The following SPATS2 variants were observed in gnomAD, a reference collection of about 807,000 sequenced individuals.
The protein encoded by SPATS2 is spermatogenesis associated serine rich 2.
Under a neutral mutation model 63.7 loss-of-function variants are expected in SPATS2, and 38 were observed. The ratio of observed to expected loss-of-function variants is 0.60; its 90% CI spans 0.46 to 0.78. The LOEUF (loss-of-function observed/expected upper bound fraction) is 0.78, where lower values mean the gene tolerates loss of function less well. SPATS2 is among the 30% of genes least tolerant of loss of function. The probability of loss-of-function intolerance (pLI) is 0.00; values close to 1 mark genes in which losing one functional copy is unlikely to be tolerated. For missense variants in SPATS2, 588 were observed against 666.2 expected (o/e 0.88, Z 1.29); for synonymous variants, 207 against 232.9 (o/e 0.89, Z 1.01).
chr12:49,408,938 T>C (rs935607122), intron 2 of SPATS2, among the ~76,000 whole-genome samples: 6 of 152,168 alleles, frequency 3.9e-5, no homozygotes, highest in Admixed American at 6.5e-5. Context: ...TCCTAAATAA[T>C]GAATAAATGG....
rs1268999518 is a variant in SPATS2 at position 49,419,141 on chromosome 12, C to T, written c.-243-41629C>T. Among the ~76,000 whole-genome samples the T allele has an allele frequency of 1.3e-5, 2 of 152,130 alleles. 1 individual carries two copies. Among genetic ancestry groups the T allele is most frequent in the East Asian group, 3.8e-4 (2 of 5,196 alleles). On this transcript the variant is annotated intron_variant, in intron 2 of 13. Coordinates refer to ENST00000552918, the MANE Select transcript of SPATS2 (RefSeq NM_023071.4). The stretch of plus-strand genomic sequence containing the variant: ...GAGTTAACTTTTTATGCTTTTAAGT[C>T]TCCTAGTATTACTTAACTAATTTCA...
intron 3 of SPATS2, among the ~76,000 whole-genome samples, chr12:49,474,390 T>C (rs1946085894): frequency 1.3e-5 from 2 of 152,326 alleles, no homozygotes; most frequent in Non-Finnish European, 2.9e-5. Context: ...TTTGCAGTGC[T>C]GTAGTGTTAT....
intron 3 of SPATS2, among the ~76,000 whole-genome samples, chr12:49,467,395 G>A (rs1045104791): frequency 6.6e-6 from 1 of 152,054 alleles, no homozygotes; most frequent in Admixed American, 6.6e-5. Flanking sequence ...TTTCCTGACT[G>A]ATCTCTGAGT....
chr12:49,425,563 A>C (rs994145996), intron 2 of SPATS2, among the ~76,000 whole-genome samples: 2 of 151,856 alleles, frequency 1.3e-5, no homozygotes, highest in African/African-American at 4.8e-5. Context: ...CAAGCGATCC[A>C]TCTACCTTGG....
At chr12:49,391,835 A>G (rs1197839181) in intron 2 of SPATS2, among the ~76,000 whole-genome samples, 3 of 152,198 alleles carry the variant, frequency 2.0e-5, no homozygotes, top group Admixed American at 6.5e-5. Flanking sequence ...GAATTTTTCT[A>G]TCTTAAGTTT....
At chr12:49,421,717 CA>C in intron 2 of SPATS2, among the ~76,000 whole-genome samples, 1 of 152,214 alleles carries the variant, frequency 6.6e-6, no homozygotes, top group Admixed American at 6.5e-5. Context: ...TAAATAAAGT[CA>C]GTTTTGAAAA....
chr12:49,437,711 C>T (rs111691305), intron 2 of SPATS2, among the ~76,000 whole-genome samples: 3 of 151,438 alleles, frequency 2.0e-5, no homozygotes, highest in Non-Finnish European at 2.9e-5. Context: ...CGCCTGCAAT[C>T]GCAGGCACTG....
At chr12:49,383,258 A>T (rs1489588740) in intron 2 of SPATS2, among the ~76,000 whole-genome samples, 1 of 152,048 alleles carries the variant, frequency 6.6e-6, no homozygotes, top group Non-Finnish European at 1.5e-5. Flanking sequence ...ACCTCAGGTG[A>T]TCCGCCTGCC....
chr12:49,378,957 G>A (rs1015461302), intron 2 of SPATS2, among the ~76,000 whole-genome samples: 3 of 150,544 alleles, frequency 2.0e-5, no homozygotes, highest in Admixed American at 2.0e-4. Flanking sequence ...TCCCTCTGTC[G>A]ACCAGGCTGG....
At chr12:49,378,680 C>G (rs1054760372) in intron 2 of SPATS2, among the ~76,000 whole-genome samples, 2 of 151,998 alleles carry the variant, frequency 1.3e-5, no homozygotes, top group African/African-American at 4.8e-5. Context: ...ACTGCAGCCT[C>G]GACCTGCTGG....
At chr12:49,453,160 CAAAAAAA>C (rs534605136) in intron 2 of SPATS2, among the ~76,000 whole-genome samples, 2 of 91,810 alleles carry the variant, frequency 2.2e-5, no homozygotes, top group Non-Finnish European at 4.8e-5. Flanking sequence ...GACTCCGTCT[CAAAAAAA>C]AAAAAAAAAA....
intron 2 of SPATS2, among the ~76,000 whole-genome samples, chr12:49,420,531 T>C (rs1944962292): frequency 6.6e-6 from 1 of 151,922 alleles, no homozygotes; most frequent in African/African-American, 2.4e-5. Context: ...GAGGTGGAGG[T>C]TGCAGTGAGC....
intron 2 of SPATS2, among the ~76,000 whole-genome samples, chr12:49,414,940 CTTTTTTT>C (rs1198243704): frequency 7.9e-6 from 1 of 126,874 alleles, no homozygotes; most frequent in Non-Finnish European, 1.7e-5. Context: ...TTTTTCTTTT[CTTTTTTT>C]TTTTTTTTTG....
chr12:49,488,120 C>G (rs929580954), intron 4 of SPATS2, among the ~76,000 whole-genome samples: 1 of 151,998 alleles, frequency 6.6e-6, no homozygotes, highest in African/African-American at 2.4e-5. Context: ...TCTCGACTCA[C>G]TGCAACCTCC....
At chr12:49,394,194 C>T (rs1227030346) in intron 2 of SPATS2, among the ~76,000 whole-genome samples, 3 of 151,770 alleles carry the variant, frequency 2.0e-5, no homozygotes, top group Admixed American at 6.6e-5. Flanking sequence ...AAAAATTAGC[C>T]GGGCTTCATG....
chr12:49,395,041 C>G (rs1944484797), intron 2 of SPATS2, among the ~76,000 whole-genome samples: 1 of 151,988 alleles, frequency 6.6e-6, no homozygotes, highest in African/African-American at 2.4e-5. Context: ...CCACCGCACT[C>G]CAGCCTGGGC....
At chr12:49,515,052 A>C (rs565870842) in intron 10 of SPATS2, among the ~76,000 whole-genome samples, 1 of 152,170 alleles carries the variant, frequency 6.6e-6, no homozygotes, top group Non-Finnish European at 1.5e-5. Flanking sequence ...TTCTCAGTTT[A>C]TAGAACAGTC....
chr12:49,450,567 G>T lies in SPATS2; in HGVS notation c.-243-10203G>T, dbSNP rs1490827489. On this transcript the variant is annotated intron_variant, in intron 2 of 13. Coordinates refer to ENST00000552918, the MANE Select transcript of SPATS2 (RefSeq NM_023071.4). ...CCGAGTGGAGTCTTTTTTTGAGACG[G>T]AGTTTCACTCTTGTTGCCCAGGCTG... 4.0e-5 allele frequency among the ~76,000 whole-genome samples: 6 copies of T among 151,748 alleles called. No homozygotes were observed. In the East Asian group the frequency reaches 1.2e-3, roughly 30 times the overall value.
intron 2 of SPATS2, among the ~76,000 whole-genome samples, chr12:49,412,518 TA>T (rs1361824485): frequency 6.6e-6 from 1 of 152,040 alleles, no homozygotes; most frequent in Non-Finnish European, 1.5e-5. Flanking sequence ...CTTAATAATT[TA>T]AAAAATAATT....
Sources: gnomAD v4.1 joint callset for allele counts (sites outside exome capture counted in the v4.1 genomes callset) on GRCh38, gnomAD v4.1.1 for gene constraint, MANE v1.5 for transcripts, NCBI Gene and HGNC (gene_info 2026-07-23, HGNC 2026-07-21) for gene names.